The following IFRD1 variants were observed in gnomAD, a reference collection of about 807,000 sequenced individuals.
IFRD1 encodes interferon related developmental regulator 1.
A neutral mutation model predicts 52.9 loss-of-function variants in IFRD1; 35 were observed. The ratio of observed to expected loss-of-function variants is 0.66; its 90% CI spans 0.51 to 0.88. The LOEUF (loss-of-function observed/expected upper bound fraction) is 0.88, where lower values mean the gene tolerates loss of function less well. IFRD1 is among the 40% of genes least tolerant of loss of function. The probability of loss-of-function intolerance (pLI) is 0.00; values close to 1 mark genes in which losing one functional copy is unlikely to be tolerated. For synonymous variants in IFRD1, 184 were observed against 188.4 expected (o/e 0.98, Z 0.19); for missense variants, 517 against 550.8 (o/e 0.94, Z 0.61).
chr7:112,464,810 C>T (rs1795567550), intron 8 of IFRD1, among the ~76,000 whole-genome samples: 1 of 152,148 alleles, frequency 6.6e-6, no homozygotes, highest in Non-Finnish European at 1.5e-5. Context: ...TTCCATTCCC[C>T]AGCTGAGCGG....
chr7:112,449,783 T>C (rs1795104466), upstream of IFRD1, among the ~76,000 whole-genome samples: 1 of 124,126 alleles, frequency 8.1e-6, no homozygotes, highest in South Asian at 2.7e-4. Context: ...ATCTGAGATA[T>C]ACACGAACTC....
At position 112,450,769 on chromosome 7, in the gene IFRD1, G is replaced by GGCGGCGACA; in HGVS notation, c.84_92dup (p.Ala29_Ala31dup). On this transcript the variant is annotated inframe_insertion, in exon 1 of 12. Transcript: ENST00000403825. ...GCGGGTCAGGAGCAGCCGCAGCGAC[G>GGCGGCGACA]GCGGCGACAGCAGGTAAGGGGTATC... The GGCGGCGACA allele has an allele frequency of 6.2e-7, 1 of 1,611,970 alleles. No homozygotes were observed. Among genetic ancestry groups the GGCGGCGACA allele is most frequent in the Non-Finnish European group, 8.5e-7 (1 of 1,179,260 alleles).
chr7:112,429,733 A>T (rs552641988), intron 1 of IFRD1, among the ~76,000 whole-genome samples: 194 of 152,376 alleles, frequency 1.3e-3, no homozygotes, highest in African/African-American at 4.1e-3. Flanking sequence ...AACAAGGCAT[A>T]TTCTTTTTTC....
At chr7:112,429,774 T>TA (rs1563254799) in intron 1 of IFRD1, among the ~76,000 whole-genome samples, 1 of 152,214 alleles carries the variant, frequency 6.6e-6, no homozygotes, top group Non-Finnish European at 1.5e-5. Context: ...AGCATCTTCC[T>TA]AAAAAAGAAT....
chr7:112,443,853 ACT>A (rs1174350727), intron 1 of IFRD1, among the ~76,000 whole-genome samples: 4 of 139,920 alleles, frequency 2.9e-5, no homozygotes, highest in Non-Finnish European at 1.5e-5. Context: ...CAAGAGTGAA[ACT>A]CTGTTTCAAA....
intron 9 of IFRD1, among the ~76,000 whole-genome samples, chr7:112,469,377 T>TA (rs1296823571): frequency 6.6e-6 from 1 of 152,188 alleles, no homozygotes; most frequent in Non-Finnish European, 1.5e-5. Flanking sequence ...TGCTGACTCT[T>TA]ATCACATTAT....
upstream of IFRD1, among the ~76,000 whole-genome samples, chr7:112,446,673 T>C (rs1795036975): frequency 6.6e-6 from 1 of 152,080 alleles, no homozygotes; most frequent in Non-Finnish European, 1.5e-5. Context: ...CAGATCTGAA[T>C]GGCAAGTGTG....
At chr7:112,455,902 TA>T in intron 2 of IFRD1, 35 bp downstream of exon 2, 1 of 1,521,154 alleles carries the variant, frequency 6.6e-7, no homozygotes, top group Non-Finnish European at 9.1e-7. Flanking sequence ...CAACTTTAGA[TA>T]AAATGTTTCA....
At chr7:112,474,827 T>C (rs1169334276) in intron 11 of IFRD1, among the ~76,000 whole-genome samples, 1 of 144,644 alleles carries the variant, frequency 6.9e-6, no homozygotes, top group East Asian at 1.9e-4. Flanking sequence ...GCATTAGTCA[T>C]GATTTGTCTT....
chr7:112,453,945 T>C (rs1444232417), intron 1 of IFRD1, among the ~76,000 whole-genome samples: 4 of 152,154 alleles, frequency 2.6e-5, no homozygotes, highest in Non-Finnish European at 4.4e-5. Context: ...TGGTGACGTT[T>C]GAACATACGA....
chr7:112,460,251 T>TTTG lies in IFRD1; in HGVS notation c.567+1235_567+1236insGTT, dbSNP rs1305182217. 2.1e-5 allele frequency among the ~76,000 whole-genome samples: 3 copies of TTTG among 143,528 alleles called. No homozygotes were observed. In the Admixed American group the frequency reaches 2.1e-4, roughly 10 times the overall value. The allele number at this position is 143,528 out of a possible 152,430, so 94.2% of individuals were successfully genotyped here. On this transcript the variant is annotated intron_variant, in intron 5 of 11. Transcript: ENST00000403825. ...TGAGGCAGTCCTAGGGTTTTTTTTT[T>TTTG]TTTTTTTTTTTTTGACAAGGTCTCA...
chr7:112,472,402 A>G (rs1795774303), intron 10 of IFRD1, 55 bp downstream of exon 10: 11 of 1,590,124 alleles, frequency 6.9e-6, no homozygotes, highest in South Asian at 1.1e-5. Flanking sequence ...AGTCTTGAAT[A>G]TAGCTCACTT....
At chr7:112,452,773 C>T (rs983455730) in intron 1 of IFRD1, among the ~76,000 whole-genome samples, 2 of 152,172 alleles carry the variant, frequency 1.3e-5, no homozygotes, top group African/African-American at 2.4e-5. Flanking sequence ...GCTACCTTTT[C>T]ACTATTTTAG....
chr7:112,474,118 A>G (rs1795832139), intron 11 of IFRD1, among the ~76,000 whole-genome samples: 1 of 152,268 alleles, frequency 6.6e-6, no homozygotes, highest in South Asian at 2.1e-4. Context: ...TTGTATGGAT[A>G]TATATCACAT....
intron 1 of IFRD1, among the ~76,000 whole-genome samples, chr7:112,429,720 A>G (rs1339534337): frequency 6.6e-6 from 1 of 152,218 alleles, no homozygotes; most frequent in Non-Finnish European, 1.5e-5. Flanking sequence ...AGCAATTTCA[A>G]TAAACAAGGC....
intron 1 of IFRD1, among the ~76,000 whole-genome samples, chr7:112,426,519 A>C (rs1794430372): frequency 6.6e-6 from 1 of 152,244 alleles, no homozygotes; most frequent in Non-Finnish European, 1.5e-5. Flanking sequence ...GAGGGGCCAC[A>C]TCTGGTGAGG....
intron 3 of IFRD1, among the ~76,000 whole-genome samples, 197 bp downstream of exon 3, chr7:112,456,283 T>C (rs1216612028): frequency 1.3e-5 from 2 of 152,236 alleles, no homozygotes; most frequent in Non-Finnish European, 2.9e-5. Context: ...CGTTGGACTT[T>C]AATGTGGGTA....
chr7:112,455,918 G>GA, intron 2 of IFRD1, 51 bp downstream of exon 2: 1 of 1,473,706 alleles, frequency 6.8e-7, no homozygotes, highest in Non-Finnish European at 9.5e-7. Flanking sequence ...GTTTCAGGTG[G>GA]AGGAATTCTT....
chr7:112,459,424 A>G (rs1231779482), intron 5 of IFRD1, among the ~76,000 whole-genome samples: 2 of 152,106 alleles, frequency 1.3e-5, no homozygotes, highest in Admixed American at 6.6e-5. Flanking sequence ...AATAAGTGAT[A>G]CAAGTGATCA....
Sources: gnomAD v4.1 joint callset for allele counts (sites outside exome capture counted in the v4.1 genomes callset) on GRCh38, gnomAD v4.1.1 for gene constraint, MANE v1.5 for transcripts, NCBI Gene and HGNC (gene_info 2026-07-23, HGNC 2026-07-21) for gene names.